The following PLPP4 variants were observed in gnomAD, a reference collection of about 807,000 sequenced individuals.
PLPP4 encodes diacylglycerol pyrophosphate like 2.
PLPP4 carries 20 observed loss-of-function variants against 32.2 expected under a neutral mutation model. That is an observed-to-expected ratio of 0.62 (90% CI 0.44 to 0.90). The LOEUF is 0.90. Among genes scored for constraint, PLPP4 ranks in the 40% least tolerant of loss-of-function variants. The pLI is 0.00. For missense variants in PLPP4, 257 were observed against 353.1 expected (o/e 0.73, Z 2.18); for synonymous variants, 127 against 133.0 (o/e 0.95, Z 0.31).
At chr10:120,560,619 G>C (rs556092603) in intron 5 of PLPP4, among the ~76,000 whole-genome samples, 1 of 152,196 alleles carries the variant, frequency 6.6e-6, no homozygotes, top group South Asian at 2.1e-4. Flanking sequence ...GCTGGATACC[G>C]TGGTGTGCAC....
intron 4 of PLPP4, among the ~76,000 whole-genome samples, chr10:120,519,462 C>T (rs1052463628): frequency 6.6e-6 from 1 of 151,458 alleles, no homozygotes; most frequent in African/African-American, 2.4e-5. Context: ...CACACTAGAT[C>T]CCCTCTCAGA....
intron 6 of PLPP4, among the ~76,000 whole-genome samples, chr10:120,586,387 G>A (rs895720882): frequency 1.3e-5 from 2 of 150,528 alleles, no homozygotes; most frequent in African/African-American, 4.9e-5. Context: ...CAGTCAGTTC[G>A]CCCTCCTTGG....
chr10:120,534,647 C>T (rs1464838567), intron 5 of PLPP4, among the ~76,000 whole-genome samples: 2 of 151,696 alleles, frequency 1.3e-5, no homozygotes, highest in Non-Finnish European at 2.9e-5. Context: ...TTTTTTCCTT[C>T]TGTTTATTGG....
intron 6 of PLPP4, among the ~76,000 whole-genome samples, chr10:120,588,488 G>T (rs188012969): frequency 8.7e-4 from 132 of 152,282 alleles, no homozygotes; most frequent in African/African-American, 3.1e-3. Context: ...TATTCACTTT[G>T]TCTGTGACTC....
chr10:120,475,960 C>G (rs1409843210), intron 1 of PLPP4, among the ~76,000 whole-genome samples: 2 of 152,240 alleles, frequency 1.3e-5, no homozygotes, highest in Non-Finnish European at 2.9e-5. Flanking sequence ...CACTTCCATT[C>G]CTCCACTCCT....
intron 5 of PLPP4, among the ~76,000 whole-genome samples, chr10:120,552,462 T>A (rs17706666): frequency 0.2 from 29,801 of 152,058 alleles, 2,969 homozygotes; most frequent in Admixed American, 0.22. Flanking sequence ...TTGATTCTAA[T>A]TCTTTTTGAC....
chr10:120,573,702 G>A (rs1030288471), intron 5 of PLPP4, among the ~76,000 whole-genome samples: 2 of 152,126 alleles, frequency 1.3e-5, no homozygotes, highest in Non-Finnish European at 2.9e-5. Context: ...ATTTTCTTAA[G>A]ATGGACTTTC....
intron 6 of PLPP4, chr10:120,587,586 T>C (rs1457547216): frequency 6.6e-6 from 1 of 152,200 alleles, no homozygotes; most frequent in Non-Finnish European, 1.5e-5. Context: ...GTAGAAGCAA[T>C]TCTATGAAAG....
At chr10:120,552,997 C>T (rs1310866101) in intron 5 of PLPP4, among the ~76,000 whole-genome samples, 1 of 152,156 alleles carries the variant, frequency 6.6e-6, no homozygotes, top group Non-Finnish European at 1.5e-5. Context: ...TCTCAACATT[C>T]GAGTTACTAT....
intron 1 of PLPP4, among the ~76,000 whole-genome samples, chr10:120,490,112 G>A (rs1844647886): frequency 6.6e-6 from 1 of 152,140 alleles, no homozygotes; most frequent in South Asian, 2.1e-4. Context: ...TTCTTAGGGA[G>A]ACTTAAAGTG....
At chr10:120,579,035 G>A (rs1034873991) in intron 6 of PLPP4, among the ~76,000 whole-genome samples, 9 of 152,148 alleles carry the variant, frequency 5.9e-5, no homozygotes, top group African/African-American at 1.7e-4. Context: ...CTCTATTCAC[G>A]CTCTTATGTG....
At chr10:120,559,267 G>A (rs1848307271) in intron 5 of PLPP4, among the ~76,000 whole-genome samples, 1 of 150,124 alleles carries the variant, frequency 6.7e-6, no homozygotes, top group African/African-American at 2.4e-5. Context: ...TCATACTTGT[G>A]GCAAATATCT....
At chr10:120,513,852 TC>T in intron 2 of PLPP4, 58 bp from the exon 3 acceptor site, 5 of 1,284,844 alleles carry the variant, frequency 3.9e-6, no homozygotes, top group Non-Finnish European at 5.7e-6. Context: ...TAATTATCAA[TC>T]AGCCCTTCTG....
intron 1 of PLPP4, among the ~76,000 whole-genome samples, chr10:120,465,994 A>G (rs373821663): frequency 2.0e-5 from 3 of 152,188 alleles, no homozygotes; most frequent in African/African-American, 7.2e-5. Context: ...CAATGCTGCT[A>G]TTGGTTTTTG....
rs566823545 is a variant in PLPP4, at chr10:120,480,437, C to G, written c.56+23076C>G. Among the ~76,000 whole-genome samples the G allele has an allele frequency of 5.0e-4, 76 of 152,238 alleles. No homozygotes were observed. The Middle Eastern group carries it at 0.01, about 20-fold the overall frequency. On this transcript the variant is annotated intron_variant, in intron 1 of 6. Transcript: ENST00000398250. ...ACTTGGATAAAGACATAGAAGCCAG[C>G]CTTATCAAATTTGCGAATGACAGAA...
intron 1 of PLPP4, among the ~76,000 whole-genome samples, chr10:120,495,047 A>G (rs1844898853): frequency 6.6e-6 from 1 of 152,146 alleles, no homozygotes; most frequent in Non-Finnish European, 1.5e-5. Flanking sequence ...GACTTCCTTA[A>G]AAGTCCAGTG....
chr10:120,544,649 C>T (rs938886666), intron 5 of PLPP4, among the ~76,000 whole-genome samples: 9 of 152,220 alleles, frequency 5.9e-5, no homozygotes, highest in Non-Finnish European at 1.2e-4. Flanking sequence ...TACAAGCCCC[C>T]GGAAAGCAGG....
intron 1 of PLPP4, among the ~76,000 whole-genome samples, chr10:120,459,591 G>A (rs1172801531): frequency 2.6e-5 from 4 of 152,298 alleles, no homozygotes; most frequent in Non-Finnish European, 5.9e-5. Context: ...CACGAAGATG[G>A]TGGTCTTAGC....
chr10:120,551,291 T>C (rs1349193595), intron 5 of PLPP4, among the ~76,000 whole-genome samples: 3 of 152,216 alleles, frequency 2.0e-5, no homozygotes, highest in South Asian at 2.1e-4. Flanking sequence ...ATGTATAAAT[T>C]GTTACTGCCA....
Sources: gnomAD v4.1 joint callset for allele counts (sites outside exome capture counted in the v4.1 genomes callset) on GRCh38, gnomAD v4.1.1 for gene constraint, MANE v1.5 for transcripts, NCBI Gene and HGNC (gene_info 2026-07-23, HGNC 2026-07-21) for gene names.